CIZ1: variants seen among roughly 807,000 people sequenced by gnomAD.
The protein encoded by CIZ1 is cip1-interacting zinc finger protein.
In CIZ1, 58 loss-of-function variants were observed where a neutral mutation model predicts 118.6. The ratio of observed to expected loss-of-function variants is 0.49; its 90% CI spans 0.40 to 0.61. The LOEUF is 0.61. Ranked by LOEUF, CIZ1 falls within the 20% of genes least tolerant of loss-of-function variation. CIZ1 has a pLI of 0.00. For missense variants in CIZ1, 921 were observed against 1,115.9 expected (o/e 0.83, Z 2.49); for synonymous variants, 448 against 443.4 (o/e 1.01, Z -0.13).
intron 11 of CIZ1, among the ~76,000 whole-genome samples, chr9:128,172,163 A>G (rs1322362349): frequency 6.6e-6 from 1 of 150,538 alleles, no homozygotes; most frequent in Non-Finnish European, 1.5e-5. Context: ...AAAAAAAAAA[A>G]AAAAAAAAAA....
rs1227735156 is a variant in CIZ1 at position 128,187,559 on chromosome 9, C to T, written c.358+304G>A. On this transcript the variant is annotated intron_variant, in intron 4 of 16. Transcript: ENST00000372938. ...GTATTCAATGAGATATACAAATGTG[C>T]CTGGTACATAGTAAATGTTCAATTA... 2.6e-5 allele frequency among the ~76,000 whole-genome samples: 4 copies of T among 152,096 alleles called. No homozygotes were observed. The East Asian group carries it at 5.8e-4, about 22-fold the overall frequency.
At chr9:128,187,507 T>C (rs1014745267) in intron 4 of CIZ1, among the ~76,000 whole-genome samples, 4 of 152,202 alleles carry the variant, frequency 2.6e-5, no homozygotes, top group Non-Finnish European at 4.4e-5. Context: ...GGGATAATAA[T>C]AGCACTTGCC....
intron 10 of CIZ1, among the ~76,000 whole-genome samples, chr9:128,177,105 G>A (rs1225464857): frequency 1.3e-5 from 2 of 152,128 alleles, no homozygotes; most frequent in Non-Finnish European, 2.9e-5. Flanking sequence ...GTTCAGGCTG[G>A]TCTCAAACTC....
intron 10 of CIZ1, 83 bp from the exon 11 acceptor site, chr9:128,176,558 C>G: frequency 7.1e-7 from 1 of 1,402,022 alleles, no homozygotes; most frequent in Non-Finnish European, 9.7e-7. Context: ...AGGCAGACCC[C>G]AGCCTCATCA....
At chr9:128,193,770 G>A (rs1419109812), upstream of CIZ1, among the ~76,000 whole-genome samples, 2 of 152,138 alleles carry the variant, frequency 1.3e-5, no homozygotes, top group African/African-American at 4.8e-5. Context: ...CCTTGATCTG[G>A]GTGCTAGCGT....
At chr9:128,167,225 G>T (rs533825245) in intron 14 of CIZ1, 61 bp from the exon 15 acceptor site, 49 of 1,341,090 alleles carry the variant, frequency 3.7e-5, no homozygotes, top group Middle Eastern at 1.9e-4. Flanking sequence ...CCAGACACAG[G>T]TCGGGGGCCT....
intron 1 of CIZ1, chr9:128,197,515 C>T (rs553436881): frequency 6.6e-6 from 1 of 152,368 alleles, no homozygotes; most frequent in Non-Finnish European, 1.5e-5. Flanking sequence ...GTGCCTTTTC[C>T]TAAAAATAAA....
upstream of CIZ1, chr9:128,191,900 G>C: frequency 8.3e-6 from 12 of 1,445,392 alleles, no homozygotes; most frequent in Non-Finnish European, 1.1e-5. The surrounding 1 kb of genome is among the most constrained non-coding windows in gnomAD (Gnocchi z 5.5). Flanking sequence ...CCCCGCGCGG[G>C]GCTGCGGTGA....
In CIZ1 at chr9:128,178,845, T is replaced by C; in HGVS notation, c.1362A>G (p.Ser454=). The part of the protein sequence containing the change: ...QPQEHPPAQV[S]VQPPEQTHEQ... Reference sequence around the variant, plus strand: ...CATGGGTCTGCTCTGGTGGCTGTACTGACACCTGCGCTGGAGGATGCTCCT... The same window carrying C: ...CATGGGTCTGCTCTGGTGGCTGTACCGACACCTGCGCTGGAGGATGCTCCT... The change falls in exon 8 of 17, where the codon TCA becomes TCG. Residue 454 remains serine, a synonymous_variant. Coordinates refer to ENST00000372938, the MANE Select transcript of CIZ1 (RefSeq NM_001131016.2). 1 of 1,614,204 alleles carries C rather than the reference T, an allele frequency of 6.2e-7. No homozygotes were observed. The highest frequency in any genetic ancestry group is 1.3e-5 in the African/African-American group (1 of 75,052).
At chr9:128,175,046 C>T (rs1830691932) in intron 11 of CIZ1, among the ~76,000 whole-genome samples, 1 of 152,136 alleles carries the variant, frequency 6.6e-6, no homozygotes, top group African/African-American at 2.4e-5. Flanking sequence ...GATGAATCCC[C>T]GACACCTCAA....
Position 128,178,953 on chromosome 9 carries a change from C to G in CIZ1, c.1254G>C (p.Gln418His). The G allele has an allele frequency of 1.2e-6, 2 of 1,613,728 alleles. No homozygotes were observed. The highest frequency in any genetic ancestry group is 1.7e-6 in the Non-Finnish European group (2 of 1,179,986). The change falls in exon 8 of 17, where the codon CAG becomes CAC. Residue 418 changes from glutamine (Q) to histidine (H), a missense_variant. Transcript: ENST00000372938. The part of the protein sequence containing the change: ...QPQAHSQPPR[Q>H]VQLQLQKQVQ... ...CCTGCTTCTGCAGCTGCAGCTGCACCTGCCTTGGGGGCTGTGAATGTGCCT... is the reference window on the plus strand; with the variant it reads ...CCTGCTTCTGCAGCTGCAGCTGCACGTGCCTTGGGGGCTGTGAATGTGCCT...
In CIZ1 at chr9:128,176,400, G is replaced by A; in HGVS notation, c.1894C>T (p.Leu632Phe). 1 of 1,614,110 alleles carries A rather than the reference G, an allele frequency of 6.2e-7. No individual in the cohort carries two copies. The highest frequency in any genetic ancestry group is 8.5e-7 in the Non-Finnish European group (1 of 1,180,016). Reference sequence around the variant, plus strand: ...CGGGGCACGGGCAGCAGGGACAGGAGGCAGGCTTGGCTCATGTGCTGGATC... The same window carrying A: ...CGGGGCACGGGCAGCAGGGACAGGAAGCAGGCTTGGCTCATGTGCTGGATC... Reference protein sequence around the residue: ...GEIQHMSQACLLSLLPVPRDV... With the variant: ...GEIQHMSQACFLSLLPVPRDV... The change falls in exon 11 of 17, where the codon CTC becomes TTC. Residue 632 changes from leucine (L) to phenylalanine (F), a missense_variant. Transcript: ENST00000372938.
chr9:128,203,842 T>C lies in CIZ1; in HGVS notation c.-6+344A>G, dbSNP rs1833667341. ...GCCCCCCGCTAGTCTGCAAACGTCG[T>C]CAAGCCTCCGGCTACCGAATCACGC... On this transcript the variant is annotated intron_variant, in intron 1 of 17. Transcript: ENST00000372948. This position sits in a 1 kb window ranked among gnomAD's most constrained non-coding sequence, Gnocchi z 5.3. Among the ~76,000 whole-genome samples the C allele has an allele frequency of 7.1e-6, 1 of 141,580 alleles. No individual in the cohort carries two copies. 92.9% of individuals were successfully genotyped at this position (141,580 alleles called of 152,430 possible). A position where few individuals can be genotyped will look rare whatever the true frequency, so the allele number is the denominator to read the frequency against.
rs1365975773 is a variant in CIZ1 at position 128,203,283 on chromosome 9, CG to C, written c.-6+902del. The C allele has an allele frequency of 2.1e-5, 6 of 286,958 alleles. No individual in the cohort carries two copies. The highest frequency in any genetic ancestry group is 3.4e-5 in the Non-Finnish European group (6 of 174,902). 17.8% of individuals were successfully genotyped at this position (286,958 alleles called of 1,614,324 possible). ...TGATGCCCCGGACGGCGCCTGCGCA[CG>C]GCGGCCGGCCCGCAGCGCCGCGGGC... On this transcript the variant is annotated intron_variant, in intron 1 of 17. Coordinates refer to the CIZ1 transcript ENST00000372948. The surrounding 1 kb of genome is among the most constrained non-coding windows in gnomAD (Gnocchi z 5.3).
At chr9:128,177,542 C>CCCCCAATAA in intron 10 of CIZ1, 24 bp downstream of exon 10, 1 of 1,229,494 alleles carries the variant, frequency 8.1e-7, no homozygotes, top group Non-Finnish European at 1.1e-6. Context: ...CACCCCTCCC[C>CCCCCAATAA]ACCCTTATCT....
chr9:128,185,670 A>T lies in CIZ1; in HGVS notation c.465T>A (p.Thr155=). 1 of 1,601,818 alleles carries T rather than the reference A, an allele frequency of 6.2e-7. No individual in the cohort carries two copies. The highest frequency in any genetic ancestry group is 8.5e-7 in the Non-Finnish European group (1 of 1,173,366). The change falls in exon 5 of 17, where the codon ACT becomes ACA. Residue 155 remains threonine, a synonymous_variant. Coordinates refer to ENST00000372938, the MANE Select transcript of CIZ1 (RefSeq NM_001131016.2). ...PNLQQFFPQA[T]RQSLLGPPPV... ...GAGGAGGTCCCAGCAAGGACTGGCG[A>T]GTGGCCTGGGGAAAGAACTGTTGCA...
rs1421472636 is a variant in CIZ1, at chr9:128,203,413, G to A, written c.-6+773C>T. ...GCGCGGCTGCAGCGGCGGAGCCGGAGTCGGAGCCGGGAGCGCTAGCGGCAG... is the reference window on the plus strand; with the variant it reads ...GCGCGGCTGCAGCGGCGGAGCCGGAATCGGAGCCGGGAGCGCTAGCGGCAG... On this transcript the variant is annotated intron_variant, in intron 1 of 17. Coordinates refer to the CIZ1 transcript ENST00000372948. The surrounding 1 kb of genome is among the most constrained non-coding windows in gnomAD (Gnocchi z 5.3). The A allele has an allele frequency of 2.2e-6, 3 of 1,366,218 alleles. No homozygotes were observed. The highest frequency in any genetic ancestry group is 2.8e-6 in the Non-Finnish European group (3 of 1,057,716). 84.6% of individuals were successfully genotyped at this position (1,366,218 alleles called of 1,614,324 possible). A position where few individuals can be genotyped will look rare whatever the true frequency, so the allele number is the denominator to read the frequency against.
At chr9:128,180,638 C>A (rs1221522290) in intron 6 of CIZ1, 83 bp downstream of exon 6, 5 of 1,364,206 alleles carry the variant, frequency 3.7e-6, no homozygotes, top group Non-Finnish European at 5.2e-6. Context: ...GCCTCCCACA[C>A]CTGCCTCTAT....
In CIZ1 at chr9:128,178,489, G is replaced by A. The variant is rs1211470010; in HGVS notation, c.1500C>T (p.Gly500=). The A allele has an allele frequency of 2.5e-6, 4 of 1,614,164 alleles. No homozygotes were observed. Among genetic ancestry groups the A allele is most frequent in the Non-Finnish European group, 2.5e-6 (3 of 1,180,018 alleles). ...CAGGCTCTGGCAAGGTCTTTTCCAT[G>A]CCTGAAATGACAGATGTGCTGTATT... ...MPPDAVEAGG[G]MEKTLPEPVG... is the part of the protein sequence containing the mutation. Residue 500 remains glycine, a splice_region_variant and synonymous_variant, in exon 9 of 17, where the codon GGC becomes GGT. Coordinates refer to ENST00000372938, the MANE Select transcript of CIZ1 (RefSeq NM_001131016.2).
Sources: allele counts gnomAD v4.1 joint callset (sites outside exome capture counted in the v4.1 genomes callset), GRCh38; gene constraint gnomAD v4.1.1; non-coding constraint Gnocchi (gnomAD v3.1); transcripts MANE v1.5; gene names NCBI Gene and HGNC (gene_info 2026-07-23, HGNC 2026-07-21).